ROR1: variants seen among roughly 807,000 people sequenced by gnomAD.
ROR1 encodes the protein ROR family WNT receptor 1, also known as inactive tyrosine-protein kinase transmembrane receptor ROR1.
ROR1 carries 19 observed loss-of-function variants against 78.8 expected under a neutral mutation model. The observed-to-expected ratio is 0.24, with a 90% CI of 0.17 to 0.35. The LOEUF (loss-of-function observed/expected upper bound fraction) is 0.35, where lower values mean the gene tolerates loss of function less well. Among genes scored for constraint, ROR1 ranks in the 10% least tolerant of loss-of-function variants. The pLI is 1.00. For synonymous variants in ROR1, 386 were observed against 433.6 expected (o/e 0.89, Z 1.36); for missense variants, 917 against 1,177.8 (o/e 0.78, Z 3.24).
At chr1:63,931,413 T>G (rs1010221898) in intron 1 of ROR1, among the ~76,000 whole-genome samples, 1 of 152,188 alleles carries the variant, frequency 6.6e-6, no homozygotes. Context: ...AGCTTCTCTG[T>G]GGCAGTGGGC....
At chr1:63,898,830 A>G (rs925140291) in intron 1 of ROR1, among the ~76,000 whole-genome samples, 2 of 151,712 alleles carry the variant, frequency 1.3e-5, no homozygotes, top group African/African-American at 4.8e-5. Flanking sequence ...TCCCAGAGAG[A>G]CCTTGCTCTT....
intron 1 of ROR1, among the ~76,000 whole-genome samples, chr1:63,919,361 A>G (rs973826106): frequency 1.3e-5 from 2 of 152,162 alleles, no homozygotes; most frequent in Admixed American, 1.3e-4. Context: ...TTTTCTTTTA[A>G]TCAGCAAAAA....
intron 1 of ROR1, among the ~76,000 whole-genome samples, chr1:63,988,254 A>AT (rs1646267368): frequency 6.6e-6 from 1 of 152,180 alleles, no homozygotes; most frequent in East Asian, 1.9e-4. Flanking sequence ...GGTAGTCTGT[A>AT]TTTTTATGGA....
intron 1 of ROR1, among the ~76,000 whole-genome samples, chr1:63,911,183 ATACC>A (rs533183846): frequency 1.8e-4 from 27 of 152,258 alleles, no homozygotes; most frequent in Admixed American, 7.8e-4. Flanking sequence ...GGAGTTAAAC[ATACC>A]TGGGTTTGAA....
chr1:64,113,244 A>G (rs1463539519), intron 4 of ROR1, among the ~76,000 whole-genome samples: 1 of 152,202 alleles, frequency 6.6e-6, no homozygotes, highest in Non-Finnish European at 1.5e-5. Context: ...CATTAAGGGA[A>G]GAGATTGTAT....
At chr1:64,166,935 T>A (rs1457287892) in intron 8 of ROR1, among the ~76,000 whole-genome samples, 1 of 152,216 alleles carries the variant, frequency 6.6e-6, no homozygotes, top group Non-Finnish European at 1.5e-5. Flanking sequence ...ATATTATAAA[T>A]TGGCATCATA....
At chr1:63,974,744 C>T (rs1646144686) in intron 1 of ROR1, among the ~76,000 whole-genome samples, 1 of 152,108 alleles carries the variant, frequency 6.6e-6, no homozygotes, top group Admixed American at 6.6e-5. Context: ...CTCAAGCAAT[C>T]CTCCTGCCTC....
intron 2 of ROR1, among the ~76,000 whole-genome samples, chr1:64,020,171 A>G (rs1646553482): frequency 6.6e-6 from 1 of 152,212 alleles, no homozygotes; most frequent in Admixed American, 6.5e-5. Context: ...TAAATTGCTG[A>G]TGCTTTAAGC....
At chr1:63,891,291 A>G (rs1458960141) in intron 1 of ROR1, among the ~76,000 whole-genome samples, 1 of 152,190 alleles carries the variant, frequency 6.6e-6, no homozygotes, top group Non-Finnish European at 1.5e-5. Context: ...GTTGTGGTAA[A>G]TTGGAAATAC....
rs1431288438 is a variant in ROR1, at chr1:64,049,908, C to T, written c.381C>T (p.Gly127=). ...RIRNLDTTDT[G]YFQCVATNGK... ...GAAACCTCGACACCACAGACACAGG[C>T]TACTTCCAGTGCGTGGCAACAAACG... The change falls in exon 3 of 9, where the codon GGC becomes GGT. Residue 127 remains glycine, a synonymous_variant. Transcript: ENST00000371079. The T allele has an allele frequency of 6.8e-6, 11 of 1,614,232 alleles. No individual in the cohort carries two copies. Among genetic ancestry groups the T allele is most frequent in the Non-Finnish European group, 9.3e-6 (11 of 1,180,030 alleles).
At chr1:64,017,204 C>T (rs775547074) in intron 2 of ROR1, among the ~76,000 whole-genome samples, 6 of 152,120 alleles carry the variant, frequency 3.9e-5, no homozygotes, top group Non-Finnish European at 8.8e-5. Flanking sequence ...CCACACTCAG[C>T]CAGGAACACC....
At chr1:64,069,381 G>T (rs980667487) in intron 4 of ROR1, among the ~76,000 whole-genome samples, 1 of 151,950 alleles carries the variant, frequency 6.6e-6, no homozygotes, top group East Asian at 1.9e-4. Flanking sequence ...TACAGAACTC[G>T]TAACTTCTCC....
chr1:63,788,871 C>T, intron 1 of ROR1: 1 of 841,290 alleles, frequency 1.2e-6, no homozygotes, highest in African/African-American at 1.7e-5. Flanking sequence ...TATCTGCCTT[C>T]AGCTTGTGGA....
intron 1 of ROR1, among the ~76,000 whole-genome samples, chr1:63,820,856 G>A (rs955179861): frequency 9.9e-5 from 15 of 152,194 alleles, no homozygotes; most frequent in Admixed American, 5.9e-4. Context: ...GAATGGAGAA[G>A]TTCAATAACC....
At chr1:64,155,687 C>G (rs6682140) in intron 7 of ROR1, among the ~76,000 whole-genome samples, 41,263 of 152,024 alleles carry the variant, frequency 0.27, 5,888 homozygotes, top group East Asian at 0.36. Flanking sequence ...AGGTGAGGCC[C>G]TACTTTCTCT....
intron 7 of ROR1, chr1:64,142,938 A>AT (rs1019306492): frequency 1.7e-6 from 2 of 1,204,002 alleles, no homozygotes. Flanking sequence ...TATCACATTG[A>AT]TTTTTATAGA....
chr1:63,854,098 A>G (rs763639339), intron 1 of ROR1, among the ~76,000 whole-genome samples: 1 of 152,224 alleles, frequency 6.6e-6, no homozygotes, highest in Non-Finnish European at 1.5e-5. Flanking sequence ...TGCATAGTGC[A>G]TGACTGCTAG....
intron 4 of ROR1, among the ~76,000 whole-genome samples, chr1:64,077,700 A>T (rs1239203774): frequency 6.6e-6 from 1 of 152,236 alleles, no homozygotes; most frequent in Non-Finnish European, 1.5e-5. Context: ...CCCACTGGGG[A>T]GGCAGCCTCA....
chr1:63,876,861 A>G (rs1389701310), intron 1 of ROR1, among the ~76,000 whole-genome samples: 1 of 152,008 alleles, frequency 6.6e-6, no homozygotes, highest in East Asian at 1.9e-4. Flanking sequence ...TAGCTCATCC[A>G]GTGAGAATCT....
Sources: allele counts gnomAD v4.1 joint callset (sites outside exome capture counted in the v4.1 genomes callset), GRCh38; gene constraint gnomAD v4.1.1; transcripts MANE v1.5; gene names NCBI Gene and HGNC (gene_info 2026-07-23, HGNC 2026-07-21).